FOCAD: variants seen among roughly 807,000 people sequenced by gnomAD.
FOCAD encodes KIAA1797.
FOCAD carries 198 observed loss-of-function variants against 225.6 expected under a neutral mutation model. The observed-to-expected ratio is 0.88, with a 90% CI of 0.78 to 0.99. FOCAD has a LOEUF of 0.99. FOCAD is among the 50% of genes least tolerant of loss of function. The probability of loss-of-function intolerance (pLI) is 0.00; values close to 1 mark genes in which losing one functional copy is unlikely to be tolerated. For synonymous variants in FOCAD, 897 were observed against 755.0 expected (o/e 1.19, Z -3.08); for missense variants, 2,713 against 2,123.6 (o/e 1.28, Z -5.46).
At chr9:20,820,273 GGTT>G (rs1347398854) in intron 12 of FOCAD, 48 bp from the exon 13 acceptor site, 6 of 1,374,844 alleles carry the variant, frequency 4.4e-6, no homozygotes, top group Non-Finnish European at 6.1e-6. Flanking sequence ...GTAACCTCGA[GGTT>G]GTCTGCATTC....
intron 5 of FOCAD, among the ~76,000 whole-genome samples, chr9:20,756,859 C>T (rs1247257939): frequency 1.3e-5 from 2 of 152,044 alleles, no homozygotes; most frequent in African/African-American, 2.4e-5. Flanking sequence ...AGACTAGCTC[C>T]GTGTATGTGG....
At chr9:20,728,422 G>C (rs146126851) in intron 4 of FOCAD, among the ~76,000 whole-genome samples, 1 of 152,254 alleles carries the variant, frequency 6.6e-6, no homozygotes, top group Admixed American at 6.5e-5. Context: ...AGTTTTAACT[G>C]TATTTTGTCT....
At chr9:20,872,494 C>T (rs189831261) in intron 18 of FOCAD, among the ~76,000 whole-genome samples, 3 of 143,806 alleles carry the variant, frequency 2.1e-5, no homozygotes, top group Non-Finnish European at 4.6e-5. Context: ...GACTCCCCAC[C>T]CCCCCTTACT....
intron 10 of FOCAD, among the ~76,000 whole-genome samples, chr9:20,784,283 G>GAGAA (rs1173099963): frequency 6.6e-6 from 1 of 152,216 alleles, no homozygotes; most frequent in African/African-American, 2.4e-5. Flanking sequence ...GGAACCTGAA[G>GAGAA]AGAAGCCCCT....
chr9:20,779,682 A>G (rs1363523701), intron 9 of FOCAD, among the ~76,000 whole-genome samples: 2 of 152,012 alleles, frequency 1.3e-5, no homozygotes, highest in East Asian at 3.9e-4. Context: ...CCCCGGAGGC[A>G]GAGGTTGTAG....
chr9:20,772,418 G>A (rs754354600), intron 8 of FOCAD, among the ~76,000 whole-genome samples: 4 of 152,076 alleles, frequency 2.6e-5, no homozygotes, highest in Non-Finnish European at 5.9e-5. Context: ...GGAACTCTGG[G>A]GTGTTTGTGG....
chr9:20,808,128 A>G (rs531828823), intron 11 of FOCAD, among the ~76,000 whole-genome samples: 8 of 152,224 alleles, frequency 5.3e-5, no homozygotes, highest in Non-Finnish European at 8.8e-5. Flanking sequence ...GCAGTGGAAC[A>G]GAAACCTGAA....
chr9:20,829,483 A>C (rs1224529639), intron 15 of FOCAD, among the ~76,000 whole-genome samples: 1 of 151,724 alleles, frequency 6.6e-6, no homozygotes, highest in East Asian at 1.9e-4. Context: ...TTTCATTTGC[A>C]TTTCCCCGAT....
chr9:20,702,164 A>C (rs1824009575), intron 1 of FOCAD, among the ~76,000 whole-genome samples: 1 of 152,084 alleles, frequency 6.6e-6, no homozygotes, highest in South Asian at 2.1e-4. Context: ...GTGCAGTGGC[A>C]TGATAATAGC....
chr9:20,940,050 G>A (rs557309916), intron 28 of FOCAD, among the ~76,000 whole-genome samples: 2 of 152,000 alleles, frequency 1.3e-5, no homozygotes, highest in African/African-American at 2.4e-5. Context: ...AACATGCTGC[G>A]TTTGGTTTTC....
At chr9:20,992,108 A>G (rs1841726680) in intron 42 of FOCAD, among the ~76,000 whole-genome samples, 1 of 152,152 alleles carries the variant, frequency 6.6e-6, no homozygotes, top group Admixed American at 6.5e-5. Flanking sequence ...CCTATTACCT[A>G]TCACCAATGT....
At position 20,770,670 on chromosome 9, in the gene FOCAD, G is replaced by A. The variant is rs57349313; in HGVS notation, c.906+432G>A. 4.0e-3 allele frequency among the ~76,000 whole-genome samples: 605 copies of A among 152,310 alleles called. 8 individuals are homozygous for A. The highest frequency in any genetic ancestry group is 0.014 in the African/African-American group (576 of 41,574). On this transcript the variant is annotated intron_variant, in intron 8 of 43. Coordinates refer to ENST00000338382, the MANE Select transcript of FOCAD (RefSeq NM_001375567.1). The stretch of plus-strand genomic sequence containing the variant: ...GCATAGATCCAAACCATATCAGATA[G>A]ACGTTTTATTGTGTCAGTTATCACT...
intron 1 of FOCAD, among the ~76,000 whole-genome samples, chr9:20,714,504 A>G (rs1247482704): frequency 6.6e-6 from 1 of 152,094 alleles, no homozygotes; most frequent in Non-Finnish European, 1.5e-5. Context: ...TGGTAGGTTC[A>G]GTGCTTCATG....
intron 11 of FOCAD, among the ~76,000 whole-genome samples, chr9:20,812,631 G>A (rs1280979234): frequency 6.6e-6 from 1 of 151,816 alleles, no homozygotes. Context: ...GTGAAGACTT[G>A]CATGATGGCT....
At chr9:20,765,803 C>A (rs955758809) in intron 7 of FOCAD, among the ~76,000 whole-genome samples, 6 of 152,136 alleles carry the variant, frequency 3.9e-5, no homozygotes, top group Non-Finnish European at 1.5e-5. Context: ...CCATCTCTTC[C>A]CATCATCTAG....
chr9:20,888,670 A>G (rs991416207), intron 21 of FOCAD, among the ~76,000 whole-genome samples: 2 of 152,066 alleles, frequency 1.3e-5, no homozygotes, highest in Admixed American at 6.6e-5. Flanking sequence ...TAATGCCTAC[A>G]TGTTGCGGTA....
chr9:20,975,246 G>T (rs1840128073), intron 35 of FOCAD, among the ~76,000 whole-genome samples: 1 of 151,924 alleles, frequency 6.6e-6, no homozygotes, highest in African/African-American at 2.4e-5. Context: ...TCTATTCCTG[G>T]TTGCACCATA....
At chr9:20,762,353 T>A (rs1829677536) in intron 6 of FOCAD, among the ~76,000 whole-genome samples, 1 of 152,170 alleles carries the variant, frequency 6.6e-6, no homozygotes, top group African/African-American at 2.4e-5. Flanking sequence ...AAGTGAAAAG[T>A]CCTTTTGATT....
Position 20,948,919 on chromosome 9 carries a change from T to G in FOCAD, c.3867T>G (p.Asp1289Glu), listed in dbSNP as rs978664895. ...GMVALVGSEG[D>E]VMQLKSEAIQ... is the part of the protein sequence containing the mutation. ...TGGCCTTGGTAGGCTCTGAAGGGGATGTAATGCAGGTAAAGAAAGGAACCA... is the reference window on the plus strand; with the variant it reads ...TGGCCTTGGTAGGCTCTGAAGGGGAGGTAATGCAGGTAAAGAAAGGAACCA... The change falls in exon 32 of 44, where the codon GAT becomes GAG. Residue 1289 changes from aspartate (D) to glutamate (E), a missense_variant. By Grantham distance (45) the Asp-to-Glu change is conservative. Coordinates refer to ENST00000338382, the MANE Select transcript of FOCAD (RefSeq NM_001375567.1). The G allele has an allele frequency of 6.2e-7, 1 of 1,613,278 alleles. No homozygotes were observed. Among genetic ancestry groups the G allele is most frequent in the Non-Finnish European group, 8.5e-7 (1 of 1,179,450 alleles).
Sources: gnomAD v4.1 joint callset for allele counts (sites outside exome capture counted in the v4.1 genomes callset) on GRCh38, gnomAD v4.1.1 for gene constraint, MANE v1.5 for transcripts, NCBI Gene and HGNC (gene_info 2026-07-23, HGNC 2026-07-21) for gene names.